Variants in LRP4 observed in about 807,000 individuals in gnomAD.
LRP4 encodes the protein low-density lipoprotein receptor-related protein 4.
A neutral mutation model predicts 220.3 loss-of-function variants in LRP4; 95 were observed. That is an observed-to-expected ratio of 0.43 (90% confidence interval 0.37 to 0.51). The LOEUF is 0.51. Among genes scored for constraint, LRP4 ranks in the 20% least tolerant of loss-of-function variants. LRP4 has a pLI of 0.00. For synonymous variants in LRP4, 903 were observed against 954.6 expected (o/e 0.95, Z 1.00); for missense variants, 1,925 against 2,567.0 (o/e 0.75, Z 5.40).
At chr11:46,863,584 C>CAAAAAAAAAAAAAAA (rs55744712) in intron 36 of LRP4, among the ~76,000 whole-genome samples, 2 of 54,142 alleles carry the variant, frequency 3.7e-5, no homozygotes, top group African/African-American at 6.0e-5. Context: ...ACTAAAAATA[C>CAAAAAAAAAAAAAAA]AAAAAAAAAA....
At chr11:46,874,594 C>T (rs1030532362) in intron 28 of LRP4, among the ~76,000 whole-genome samples, 2 of 152,160 alleles carry the variant, frequency 1.3e-5, no homozygotes, top group Non-Finnish European at 2.9e-5. Flanking sequence ...GTTTGTTTTA[C>T]ATACTAGGCT....
chr11:46,904,038 A>G (rs1941716999), intron 1 of LRP4, among the ~76,000 whole-genome samples: 1 of 152,192 alleles, frequency 6.6e-6, no homozygotes, highest in Non-Finnish European at 1.5e-5. Flanking sequence ...CTCCAGCCTC[A>G]GCTGGAACAA....
intron 20 of LRP4, among the ~76,000 whole-genome samples, chr11:46,879,695 T>C (rs1159596588): frequency 1.3e-5 from 2 of 152,232 alleles, no homozygotes; most frequent in East Asian, 3.8e-4. Flanking sequence ...CTGTGTCTAC[T>C]GATGAGACAC....
intron 37 of LRP4, among the ~76,000 whole-genome samples, chr11:46,860,250 G>A (rs140370003): frequency 1.3e-5 from 2 of 149,982 alleles, no homozygotes; most frequent in East Asian, 2.0e-4. Flanking sequence ...AAAAAAGAAA[G>A]AAAGAAAGAA....
At position 46,895,874 on chromosome 11, in the gene LRP4, C is replaced by T; in HGVS notation, c.1183+10G>A. On this transcript the variant is annotated intron_variant, in intron 10 of 37. Transcript: ENST00000378623. ...ACCCCGACTCTGCTGCAAACCAGGC[C>T]CCAGCTCACCTTGGCACGTGTGCCC... The T allele has an allele frequency of 6.2e-7, 1 of 1,611,570 alleles. No individual in the cohort carries two copies. The highest frequency in any genetic ancestry group is 8.5e-7 in the Non-Finnish European group (1 of 1,179,918).
chr11:46,900,474 C>CT (rs1282942127), intron 2 of LRP4, 96 bp from the exon 3 acceptor site: 2 of 807,248 alleles, frequency 2.5e-6, no homozygotes, highest in Non-Finnish European at 4.3e-6. Context: ...ATCCCCTTGT[C>CT]TTTTTTTCTT....
intron 16 of LRP4, among the ~76,000 whole-genome samples, chr11:46,888,759 G>T (rs1941356204): frequency 6.6e-6 from 1 of 152,148 alleles, no homozygotes; most frequent in Non-Finnish European, 1.5e-5. Flanking sequence ...AGCTGCTGAT[G>T]TGTGAGGAAT....
rs1008903527 is a variant in LRP4 at position 46,918,255 on chromosome 11, C to T, written c.52+73G>A. 79 of 1,450,872 alleles carry T rather than the reference C, an allele frequency of 5.4e-5. No homozygotes were observed. Among genetic ancestry groups the T allele is most frequent in the Non-Finnish European group, 6.5e-5 (70 of 1,084,278 alleles). 89.9% of individuals were successfully genotyped at this position (1,450,872 alleles called of 1,614,324 possible). On this transcript the variant is annotated intron_variant, in intron 1 of 37. Coordinates refer to ENST00000378623, the MANE Select transcript of LRP4 (RefSeq NM_002334.4). The surrounding 1 kb of genome is among the most constrained non-coding windows in gnomAD (Gnocchi z 6.0). ...AGGGGTCTCAGGCCCCGGCCCGCGC[C>T]GTCCAGGTCCCGGGAGGCGAGTCCT... is the stretch of plus-strand genomic sequence containing the variant.
chr11:46,899,428 C>A lies in LRP4; in HGVS notation c.506G>T (p.Gly169Val). Residue 169 changes from glycine to valine, a missense_variant, in exon 5 of 38, where the codon GGT (glycine) becomes GTT (valine). Physicochemically the swap from Gly to Val is moderately radical, Grantham distance 109. Around this residue, in one of 3 missense-constraint regions of LRP4, gnomAD observed 412 missense variants for 505.4 expected, o/e 0.82. Transcript: ENST00000378623. This position sits in a 1 kb window ranked among gnomAD's most constrained non-coding sequence, Gnocchi z 5.9. ...SCIAEHWYCD[G>V]DTDCKDGSDE... is the part of the protein sequence containing the mutation. The stretch of plus-strand genomic sequence containing the variant: ...GGAGCCATCTTTGCAGTCGGTGTCA[C>A]CGTCGCAGTACCAATGCTCAGCAAT... The A allele has an allele frequency of 6.2e-7, 1 of 1,614,206 alleles. No individual in the cohort carries two copies. The highest frequency in any genetic ancestry group is 1.3e-5 in the African/African-American group (1 of 75,072).
Position 46,899,759 on chromosome 11 carries a change from G to A in LRP4, c.430+104C>T, listed in dbSNP as rs1941625892. 3 of 979,278 alleles carry A rather than the reference G, an allele frequency of 3.1e-6. No individual in the cohort carries two copies. In the Admixed American group the frequency reaches 5.1e-5, roughly 17 times the overall value. The allele number at this position is 979,278 out of a possible 1,614,324, so 60.7% of individuals were successfully genotyped here. On this transcript the variant is annotated intron_variant, in intron 4 of 37. Transcript: ENST00000378623. The surrounding 1 kb of genome is among the most constrained non-coding windows in gnomAD (Gnocchi z 5.9). Reference sequence around the variant, plus strand: ...TCCTCTAGCTGCTCCAGATATCTGGGCAGTTGGAGGTTTGGCAGTGCTAGG... The same window carrying A: ...TCCTCTAGCTGCTCCAGATATCTGGACAGTTGGAGGTTTGGCAGTGCTAGG...
At chr11:46,900,483 T>C in intron 2 of LRP4, 105 bp from the exon 3 acceptor site, 1 of 782,218 alleles carries the variant, frequency 1.3e-6, no homozygotes, top group Admixed American at 1.9e-5. Flanking sequence ...TCTTTTTTTC[T>C]TTTTTTGAGA....
In LRP4 at chr11:46,918,308, TC is replaced by T. The variant is rs1470824175; in HGVS notation, c.52+19del. 2 of 1,508,168 alleles carry T rather than the reference TC, an allele frequency of 1.3e-6. No homozygotes were observed. 93.4% of individuals were successfully genotyped at this position (1,508,168 alleles called of 1,614,324 possible). A position where few individuals can be genotyped will look rare whatever the true frequency, so the allele number is the denominator to read the frequency against. On this transcript the variant is annotated intron_variant, in intron 1 of 37. Coordinates refer to ENST00000378623, the MANE Select transcript of LRP4 (RefSeq NM_002334.4). This position sits in a 1 kb window ranked among gnomAD's most constrained non-coding sequence, Gnocchi z 6.0. ...AGCGGCCGGACCCAGGGACAAACTTTCCCGGCGGGCGCCGCTTACCGTGTGC... is the reference window on the plus strand; with the variant it reads ...AGCGGCCGGACCCAGGGACAAACTTTCCGGCGGGCGCCGCTTACCGTGTGC...
chr11:46,889,577 A>G, intron 15 of LRP4, 44 bp from the exon 16 acceptor site: 2 of 1,609,820 alleles, frequency 1.2e-6, no homozygotes, highest in Non-Finnish European at 1.7e-6. Flanking sequence ...AAGGTCTGCA[A>G]AAGTGACCCC....
At position 46,881,878 on chromosome 11, in the gene LRP4, C is replaced by CA; in HGVS notation, c.2637dup (p.Ala880CysfsTer6). 1.2e-6 allele frequency: 2 copies of CA among 1,614,222 alleles called. No individual in the cohort carries two copies. The highest frequency in any genetic ancestry group is 1.7e-6 in the Non-Finnish European group (2 of 1,180,042). On this transcript the variant is annotated frameshift_variant, in exon 20 of 38. Transcript: ENST00000378623. LOFTEE classifies it high-confidence loss of function. ...CCAGCTCGTTCAATCTTGGGGCTCG[C>CA]ACCCCAGTCAGTCCAATACATGTAC...
rs534269829 is a variant in LRP4, at chr11:46,877,745, G to C, written c.3137-406C>G. 1.1e-4 allele frequency among the ~76,000 whole-genome samples: 17 copies of C among 152,208 alleles called. No homozygotes were observed. In the South Asian group the frequency reaches 3.3e-3, roughly 30 times the overall value. ...AGCCTCCTAAAGTGCTGGGATTACA[G>C]GCATGAGCCACTACTCTCAGCTTAA... is the stretch of plus-strand genomic sequence containing the variant. On this transcript the variant is annotated intron_variant, in intron 22 of 37. Coordinates refer to ENST00000378623, the MANE Select transcript of LRP4 (RefSeq NM_002334.4).
rs144305285 is a variant in LRP4 at position 46,884,936 on chromosome 11, T to G, written c.2507-960A>C. Among the ~76,000 whole-genome samples the G allele has an allele frequency of 5.5e-3, 836 of 151,892 alleles. 7 individuals are homozygous for G. The highest frequency in any genetic ancestry group is 0.01 in the Middle Eastern group (3 of 294). ...CAAAATTTAAAAAAGAAAAAAAAAT[T>G]CTAGTCCATTTCATGCTCACTAACC... On this transcript the variant is annotated intron_variant, in intron 18 of 37. Coordinates refer to ENST00000378623, the MANE Select transcript of LRP4 (RefSeq NM_002334.4).
At chr11:46,902,319 C>T (rs1456774792) in intron 2 of LRP4, among the ~76,000 whole-genome samples, 2 of 150,212 alleles carry the variant, frequency 1.3e-5, no homozygotes, top group South Asian at 2.1e-4. Flanking sequence ...AGACTGTGCC[C>T]CTGCACTCCA....
At chr11:46,896,046 T>C in intron 9 of LRP4, 28 bp from the exon 10 acceptor site, 3 of 1,613,730 alleles carry the variant, frequency 1.9e-6, no homozygotes, top group Non-Finnish European at 2.5e-6. Context: ...GAGTTGGGAG[T>C]TGAGCCCAGA....
chr11:46,903,515 C>T (rs573558225), intron 1 of LRP4, among the ~76,000 whole-genome samples: 8 of 151,952 alleles, frequency 5.3e-5, no homozygotes, highest in Admixed American at 3.9e-4. Flanking sequence ...AAAGAAACAA[C>T]CCCCTCCAAA....
Sources: gnomAD v4.1 joint callset for allele counts (sites outside exome capture counted in the v4.1 genomes callset) on GRCh38, gnomAD v4.1.1 for gene constraint, gnomAD v4.1.1 regional missense constraint, Gnocchi (gnomAD v3.1) non-coding constraint, MANE v1.5 for transcripts, NCBI Gene and HGNC (gene_info 2026-07-23, HGNC 2026-07-21) for gene names.